PICALM: variants seen among roughly 807,000 people sequenced by gnomAD.
The protein encoded by PICALM is phosphatidylinositol-binding clathrin assembly protein.
In PICALM, 40 loss-of-function variants were observed where a neutral mutation model predicts 80.5. The ratio of observed to expected loss-of-function variants is 0.50; its 90% CI spans 0.39 to 0.65. PICALM has a LOEUF of 0.65. Ranked by LOEUF, PICALM falls within the 30% of genes least tolerant of loss-of-function variation. PICALM has a pLI of 0.00. For missense variants in PICALM, 676 were observed against 778.9 expected (o/e 0.87, Z 1.57); for synonymous variants, 288 against 260.3 (o/e 1.11, Z -1.02).
intron 19 of PICALM, among the ~76,000 whole-genome samples, chr11:85,966,905 G>A (rs1032606235): frequency 6.6e-6 from 1 of 152,206 alleles, no homozygotes; most frequent in Non-Finnish European, 1.5e-5. Flanking sequence ...AAAATTCAGA[G>A]GGAGCATGGC....
intron 2 of PICALM, among the ~76,000 whole-genome samples, chr11:86,027,817 G>C (rs141334543): frequency 1.3e-5 from 2 of 151,978 alleles, no homozygotes; most frequent in Non-Finnish European, 2.9e-5. Flanking sequence ...AACTGCGCCC[G>C]GCCTCCAAAT....
intron 1 of PICALM, among the ~76,000 whole-genome samples, chr11:86,044,234 C>T (rs988136188): frequency 2.6e-5 from 4 of 152,126 alleles, no homozygotes; most frequent in Non-Finnish European, 5.9e-5. Context: ...AGGGAGGTTG[C>T]TAGGAAGGAG....
At chr11:86,044,815 T>A (rs1304316586) in intron 1 of PICALM, among the ~76,000 whole-genome samples, 4 of 152,164 alleles carry the variant, frequency 2.6e-5, no homozygotes, top group Non-Finnish European at 1.5e-5. Context: ...ATGCAAGGGA[T>A]CTAGGCTGTG....
At chr11:85,993,180 G>A (rs1335070263) in intron 12 of PICALM, among the ~76,000 whole-genome samples, 1 of 149,692 alleles carries the variant, frequency 6.7e-6, no homozygotes. Flanking sequence ...CGACCTTTCT[G>A]TGCTCAAGCA....
intron 9 of PICALM, among the ~76,000 whole-genome samples, chr11:86,002,467 C>T (rs2095170036): frequency 1.3e-5 from 2 of 152,180 alleles, no homozygotes; most frequent in Admixed American, 6.5e-5. Context: ...ATACAAAAAT[C>T]ATGTTACCAG....
chr11:86,000,555 TA>T lies in PICALM; in HGVS notation c.1154+87del, dbSNP rs2095112083. 8 of 1,030,274 alleles carry T rather than the reference TA, an allele frequency of 7.8e-6. No homozygotes were observed. In the East Asian group the frequency reaches 1.4e-4, roughly 19 times the overall value. 63.8% of individuals were successfully genotyped at this position (1,030,274 alleles called of 1,614,324 possible). A position where few individuals can be genotyped will look rare whatever the true frequency, so the allele number is the denominator to read the frequency against. On this transcript the variant is annotated intron_variant, in intron 11 of 19. Coordinates refer to ENST00000393346, the MANE Select transcript of PICALM (RefSeq NM_007166.4). ...TGTGAATAGATTATAAAAGCATAAA[TA>T]AAAGTAAACCTGAAAAGTTCTGCAA...
intron 18 of PICALM, among the ~76,000 whole-genome samples, chr11:85,975,553 A>C (rs2094250979): frequency 6.7e-6 from 1 of 148,414 alleles, no homozygotes; most frequent in African/African-American, 2.5e-5. Context: ...TTGCATTTAG[A>C]GCTTCATTTT....
intron 1 of PICALM, among the ~76,000 whole-genome samples, chr11:86,059,757 G>A (rs2096327889): frequency 6.6e-6 from 1 of 152,040 alleles, no homozygotes; most frequent in African/African-American, 2.4e-5. Context: ...GCCAGACCCT[G>A]TCTTTAGTCC....
chr11:86,012,715 G>A (rs1199046821), intron 5 of PICALM, among the ~76,000 whole-genome samples: 1 of 151,402 alleles, frequency 6.6e-6, no homozygotes, highest in Non-Finnish European at 1.5e-5. Flanking sequence ...TTTAGCACAT[G>A]AAAATTAACT....
chr11:86,029,591 C>T (rs1027452682), intron 2 of PICALM, among the ~76,000 whole-genome samples: 10 of 152,132 alleles, frequency 6.6e-5, no homozygotes, highest in African/African-American at 1.9e-4. Flanking sequence ...TAACATTTTG[C>T]CTCTAGTACT....
Position 86,068,691 on chromosome 11 carries a change from C to A in PICALM, c.90G>T (p.Thr30=). 1 of 1,613,422 alleles carries A rather than the reference C, an allele frequency of 6.2e-7. No homozygotes were observed. ...TCTTGGGCCCCATGATCTCGTGGGT[C>A]GTGGCCTTGCATACTGTCTTGGATA... is the stretch of plus-strand genomic sequence containing the variant. ...SAVSKTVCKA[T]THEIMGPKKK... The change falls in exon 1 of 20, where the codon ACG becomes ACT. Residue 30 remains threonine, a synonymous_variant. Coordinates refer to ENST00000393346, the MANE Select transcript of PICALM (RefSeq NM_007166.4).
chr11:85,973,680 T>A (rs956576622), intron 19 of PICALM, among the ~76,000 whole-genome samples: 4 of 152,150 alleles, frequency 2.6e-5, no homozygotes, highest in African/African-American at 9.7e-5. Flanking sequence ...AGAGACTAGA[T>A]TCAAATTGGA....
chr11:86,008,019 A>G (rs2095314223), intron 7 of PICALM, among the ~76,000 whole-genome samples: 1 of 152,168 alleles, frequency 6.6e-6, no homozygotes, highest in Non-Finnish European at 1.5e-5. Flanking sequence ...TCCATAAAAC[A>G]TGCTTTCCCT....
intron 1 of PICALM, among the ~76,000 whole-genome samples, chr11:86,041,471 G>T (rs2095966296): frequency 6.6e-6 from 1 of 152,078 alleles, no homozygotes; most frequent in Non-Finnish European, 1.5e-5. Context: ...CATTTTCCTG[G>T]CAGAGAAAGG....
chr11:85,992,325 T>C (rs1225472225), intron 12 of PICALM, among the ~76,000 whole-genome samples: 1 of 151,246 alleles, frequency 6.6e-6, no homozygotes, highest in East Asian at 1.9e-4. Flanking sequence ...CGCTGTGTTG[T>C]CTAGGCTGAA....
At chr11:86,014,677 T>A (rs1300635907) in intron 5 of PICALM, among the ~76,000 whole-genome samples, 193 bp downstream of exon 5, 2 of 152,086 alleles carry the variant, frequency 1.3e-5, no homozygotes, top group African/African-American at 4.8e-5. Flanking sequence ...AGAGAAGCAC[T>A]AAAGAAATAA....
chr11:86,028,562 G>A (rs1158845451), intron 2 of PICALM, among the ~76,000 whole-genome samples: 1 of 151,960 alleles, frequency 6.6e-6, no homozygotes, highest in African/African-American at 2.4e-5. Context: ...TCATACTATA[G>A]TAAGAGCCTT....
At chr11:86,040,968 T>C (rs559292844) in intron 1 of PICALM, among the ~76,000 whole-genome samples, 3 of 152,320 alleles carry the variant, frequency 2.0e-5, no homozygotes, top group African/African-American at 4.8e-5. Flanking sequence ...GTAATCTGTA[T>C]GTATAGGATT....
intron 9 of PICALM, among the ~76,000 whole-genome samples, chr11:86,001,367 T>A (rs2095138377): frequency 6.6e-6 from 1 of 152,162 alleles, no homozygotes; most frequent in Non-Finnish European, 1.5e-5. Flanking sequence ...TAATATACAC[T>A]CACTGCTTTC....
Sources: allele counts gnomAD v4.1 joint callset (sites outside exome capture counted in the v4.1 genomes callset), GRCh38; gene constraint gnomAD v4.1.1; transcripts MANE v1.5; gene names NCBI Gene and HGNC (gene_info 2026-07-23, HGNC 2026-07-21).